The following ALPK1 variants were observed in gnomAD, a reference collection of about 807,000 sequenced individuals.
ALPK1 encodes alpha kinase 1.
Under a neutral mutation model 120.6 loss-of-function variants are expected in ALPK1, and 110 were observed. The observed-to-expected ratio is 0.91, with a 90% CI of 0.78 to 1.07. The LOEUF is 1.07. Among genes scored for constraint, ALPK1 ranks in the 50% least tolerant of loss-of-function variants. The pLI, the probability that ALPK1 is intolerant of heterozygous loss-of-function variation, is 0.00. For missense variants in ALPK1, 1,498 were observed against 1,483.9 expected, an observed-to-expected ratio of 1.01 and a Z score of -0.16; for synonymous variants, 582 against 560.3, an observed-to-expected ratio of 1.04 and a Z score of -0.55.
intron 2 of ALPK1, among the ~76,000 whole-genome samples, chr4:112,335,743 A>G (rs1351816357): frequency 6.6e-6 from 1 of 152,214 alleles, no homozygotes; most frequent in Non-Finnish European, 1.5e-5. Context: ...AGCTTGACCT[A>G]GTTAAATCTA....
At chr4:112,327,950 C>A (rs1463915815) in intron 2 of ALPK1, among the ~76,000 whole-genome samples, 1 of 152,150 alleles carries the variant, frequency 6.6e-6, no homozygotes, top group Non-Finnish European at 1.5e-5. Flanking sequence ...TGGCATCAAT[C>A]AAGAATTAGT....
At chr4:112,398,884 G>A (rs1732785392) in intron 4 of ALPK1, among the ~76,000 whole-genome samples, 1 of 152,190 alleles carries the variant, frequency 6.6e-6, no homozygotes, top group South Asian at 2.1e-4. Context: ...GAGAAAAAAA[G>A]AGTCACAAAC....
chr4:112,441,053 T>C lies in ALPK1; in HGVS notation c.3675T>C (p.Cys1225=). The C allele has an allele frequency of 6.2e-7, 1 of 1,614,008 alleles. No individual in the cohort carries two copies. Among genetic ancestry groups the C allele is most frequent in the Non-Finnish European group, 8.5e-7 (1 of 1,179,880 alleles). ...TCTTTAATAACCAGCATGTGGAATG[T>C]AATGAAATCTGCCATCGTCTTTCTT... ...FYFFNNQHVE[C]NEICHRLSLT... is the part of the protein sequence containing the mutation. Residue 1225 remains cysteine (C), a synonymous_variant, in exon 15 of 16, where the codon TGT becomes TGC. Transcript: ENST00000650871.
At chr4:112,414,402 T>C (rs573408439) in intron 5 of ALPK1, 3 of 437,594 alleles carry the variant, frequency 6.9e-6, no homozygotes, top group Admixed American at 4.7e-5. Context: ...AAGTCAGGAG[T>C]TCGAGACCAG....
chr4:112,310,280 G>A (rs1161911463), intron 1 of ALPK1, among the ~76,000 whole-genome samples: 1 of 152,038 alleles, frequency 6.6e-6, no homozygotes, highest in African/African-American at 2.4e-5. Flanking sequence ...TTTCTTATAA[G>A]TATATAATAA....
intron 2 of ALPK1, chr4:112,356,479 C>G (rs1730619714): frequency 2.1e-6 from 2 of 954,492 alleles, no homozygotes; most frequent in South Asian, 2.6e-5. Flanking sequence ...AGGACCCACT[C>G]GCAACTCACA....
At chr4:112,325,036 A>C (rs1729051468) in intron 2 of ALPK1, among the ~76,000 whole-genome samples, 1 of 152,096 alleles carries the variant, frequency 6.6e-6, no homozygotes, top group Non-Finnish European at 1.5e-5. Context: ...CAGACCTGAT[A>C]AGGAGGAAAA....
intron 11 of ALPK1, among the ~76,000 whole-genome samples, chr4:112,434,604 T>C (rs573297801): frequency 4.7e-4 from 72 of 152,372 alleles, no homozygotes; most frequent in African/African-American, 1.6e-3. Context: ...GTTTTCCTTT[T>C]TTCAGTTGAG....
At chr4:112,351,526 T>G (rs1730355739) in intron 2 of ALPK1, among the ~76,000 whole-genome samples, 1 of 151,934 alleles carries the variant, frequency 6.6e-6, no homozygotes, top group African/African-American at 2.4e-5. Context: ...CAGGCTGGAG[T>G]GCAGTGGCAC....
chr4:112,418,684 C>T (rs1298489681), intron 5 of ALPK1, among the ~76,000 whole-genome samples: 2 of 152,116 alleles, frequency 1.3e-5, no homozygotes, highest in African/African-American at 4.8e-5. Flanking sequence ...AGATCCATCC[C>T]CATGATCACA....
intron 4 of ALPK1, among the ~76,000 whole-genome samples, chr4:112,396,454 C>G (rs1163112062): frequency 6.6e-6 from 1 of 152,202 alleles, no homozygotes; most frequent in East Asian, 1.9e-4. Context: ...AAAGAGAGTT[C>G]TGGTCATCAG....
intron 2 of ALPK1, among the ~76,000 whole-genome samples, chr4:112,360,332 G>A (rs1202564758): frequency 1.3e-5 from 2 of 152,062 alleles, no homozygotes; most frequent in Non-Finnish European, 2.9e-5. Flanking sequence ...TATCCTTGAT[G>A]GAAATTTAGG....
chr4:112,432,668 G>A, intron 11 of ALPK1, 87 bp downstream of exon 11: 1 of 1,293,684 alleles, frequency 7.7e-7, no homozygotes, highest in East Asian at 2.3e-5. Flanking sequence ...ATCACTTAAA[G>A]CTCATGAAAG....
intron 2 of ALPK1, among the ~76,000 whole-genome samples, chr4:112,363,801 A>G (rs1731018564): frequency 6.6e-6 from 1 of 152,218 alleles, no homozygotes; most frequent in African/African-American, 2.4e-5. Flanking sequence ...GATAGGCCAT[A>G]TGATAGGCCA....
At chr4:112,435,760 T>A (rs528067654) in intron 12 of ALPK1, among the ~76,000 whole-genome samples, 2 of 152,324 alleles carry the variant, frequency 1.3e-5, no homozygotes, top group South Asian at 4.2e-4. Context: ...CCTTTAGGGA[T>A]CCCGCATAGG....
chr4:112,318,471 C>T (rs1560634630), intron 2 of ALPK1, among the ~76,000 whole-genome samples: 1 of 152,212 alleles, frequency 6.6e-6, no homozygotes, highest in Non-Finnish European at 1.5e-5. Flanking sequence ...GGGTCATTTG[C>T]CTCTGAAGCT....
Position 112,357,325 on chromosome 4 carries a change from G to C in ALPK1, c.-100-20353G>C, listed in dbSNP as rs190885859. 3.2e-4 allele frequency: 277 copies of C among 872,266 alleles called. No individual in the cohort carries two copies. The African/African-American group carries it at 3.6e-3, about 11-fold the overall frequency. The allele number at this position is 872,266 out of a possible 1,614,324, so 54.0% of individuals were successfully genotyped here. ...AGCTGGCGGATATTGTCCAGATTGT[G>C]TTCAGTGTAGACCCCTCCGAGAATG... On this transcript the variant is annotated intron_variant, in intron 2 of 15. Coordinates refer to ENST00000650871, the MANE Select transcript of ALPK1 (RefSeq NM_025144.4).
intron 7 of ALPK1, chr4:112,426,236 A>G: frequency 3.4e-6 from 1 of 297,726 alleles, no homozygotes; most frequent in Admixed American, 4.8e-5. Flanking sequence ...TATATTACAC[A>G]TATTATATAT....
chr4:112,430,487 A>T lies in ALPK1; in HGVS notation c.940A>T (p.Asn314Tyr). Reference sequence around the variant, plus strand: ...GTGTTTATTGTCCTACAGTAGTTCAAATGACTGTCCTCCAGAATTGAAAAA... The same window carrying T: ...GTGTTTATTGTCCTACAGTAGTTCATATGACTGTCCTCCAGAATTGAAAAA... Reference protein sequence around the residue: ...GTCLLSYSSSNDCPPELKNLH... With the variant: ...GTCLLSYSSSYDCPPELKNLH... The change falls in exon 11 of 16, where the codon AAT (asparagine) becomes TAT (tyrosine). Residue 314 changes from asparagine (N) to tyrosine (Y), a missense_variant. Asn to Tyr is a moderately radical substitution (Grantham distance 143, BLOSUM62 -2). Transcript: ENST00000650871. The T allele has an allele frequency of 6.2e-7, 1 of 1,612,772 alleles. No individual in the cohort carries two copies. The highest frequency in any genetic ancestry group is 8.5e-7 in the Non-Finnish European group (1 of 1,179,396).
Sources: allele counts gnomAD v4.1 joint callset (sites outside exome capture counted in the v4.1 genomes callset), GRCh38; gene constraint gnomAD v4.1.1; transcripts MANE v1.5; gene names NCBI Gene and HGNC (gene_info 2026-07-23, HGNC 2026-07-21).